The following POMGNT1 variants were observed in gnomAD, a reference collection of about 807,000 sequenced individuals.
The protein encoded by POMGNT1 is protein O-linked mannose N-acetylglucosaminyltransferase 1 (beta 1,2-), also known as protein O-linked-mannose beta-1,2-N-acetylglucosaminyltransferase 1.
In POMGNT1, 67 loss-of-function variants were observed where a neutral mutation model predicts 95.6. The ratio of observed to expected loss-of-function variants is 0.70; its 90% CI spans 0.58 to 0.86. The LOEUF is 0.86. POMGNT1 is among the 40% of genes least tolerant of loss of function. The pLI is 0.00. For missense variants in POMGNT1, 719 were observed against 855.2 expected, an observed-to-expected ratio of 0.84 and a Z score of 1.99; for synonymous variants, 298 against 317.9, an observed-to-expected ratio of 0.94 and a Z score of 0.66.
intron 9 of POMGNT1, 82 bp from the exon 10 acceptor site, chr1:46,194,007 G>C (rs1047116007): frequency 6.3e-7 from 1 of 1,587,638 alleles, no homozygotes; most frequent in South Asian, 1.1e-5. Flanking sequence ...TCTCAGGTGA[G>C]GGTAGGTGCA....
At chr1:46,192,876 C>A in intron 14 of POMGNT1, 24 bp downstream of exon 14, 1 of 1,614,094 alleles carries the variant, frequency 6.2e-7, no homozygotes, top group Non-Finnish European at 8.5e-7. Context: ...GGGACCTCAA[C>A]TGAAACCTAG....
upstream of POMGNT1, among the ~76,000 whole-genome samples, chr1:46,202,535 A>C (rs560727888): frequency 1.9e-4 from 29 of 151,950 alleles, no homozygotes; most frequent in East Asian, 5.6e-3. Flanking sequence ...TCTACTAAAA[A>C]TACAAAAATA....
chr1:46,212,303 C>T (rs1178562434), intron 1 of POMGNT1, among the ~76,000 whole-genome samples: 15 of 145,952 alleles, frequency 1.0e-4, no homozygotes, highest in Admixed American at 2.1e-4. Context: ...TTTTTTGAGA[C>T]GGAGTCTTGC....
rs34921411 is a variant in POMGNT1 at position 46,210,941 on chromosome 1, AT to A, written c.-51+8763del. Among the ~76,000 whole-genome samples, 763 of 134,434 alleles carry A rather than the reference AT, an allele frequency of 5.7e-3. 2 individuals carry two copies. Among genetic ancestry groups the A allele is most frequent in the Admixed American group, 8.8e-3 (117 of 13,310 alleles). The allele number at this position is 134,434 out of a possible 152,430, so 88.2% of individuals were successfully genotyped here. A position where few individuals can be genotyped will look rare whatever the true frequency, so the allele number is the denominator to read the frequency against. On this transcript the variant is annotated intron_variant, in intron 1 of 22. Transcript: ENST00000371992. ...AGGTGTGCAATACCACACTCACCTA[AT>A]TTTTTTTTTTTTTTTTTGGTAGAGA...
At chr1:46,200,240 AACTGACTCTTCATGG>A (rs1350049812), upstream of POMGNT1, among the ~76,000 whole-genome samples, 1 of 152,120 alleles carries the variant, frequency 6.6e-6, no homozygotes, top group African/African-American at 2.4e-5. Flanking sequence ...TTTCTCCTCA[AACTGACTCTTCATGG>A]ATGATCTCAT....
chr1:46,202,920 G>GGTGTGTGT (rs10689850), upstream of POMGNT1, among the ~76,000 whole-genome samples: 663 of 64,494 alleles, frequency 0.01, 12 homozygotes, highest in Non-Finnish European at 0.013. Context: ...GGGGGGGGGT[G>GGTGTGTGT]GTGTGTGTGT....
chr1:46,194,441 G>A (rs1446958586), intron 8 of POMGNT1, 40 bp from the exon 9 acceptor site: 13 of 1,613,936 alleles, frequency 8.1e-6, no homozygotes, highest in Non-Finnish European at 1.1e-5. Context: ...CATGGGGCCA[G>A]CAAGGTTTGA....
chr1:46,209,134 C>T (rs931984601), intron 1 of POMGNT1, among the ~76,000 whole-genome samples: 1 of 151,976 alleles, frequency 6.6e-6, no homozygotes, highest in African/African-American at 2.4e-5. Flanking sequence ...AAGCAATTCT[C>T]CTGCCTCAGC....
Position 46,193,923 on chromosome 1 carries a change from G to A in POMGNT1, c.882C>T (p.Leu294=), listed in dbSNP as rs374590423. Residue 294 remains leucine (L), a splice_region_variant and synonymous_variant, in exon 10 of 22, where the codon CTC becomes CTT. Coordinates refer to ENST00000371984, the MANE Select transcript of POMGNT1 (RefSeq NM_017739.4). ...GCACATTGAGGACCTTGTTGTCTGGGAGCTGTGGGAGAAATAGCGTTTAGC... is the reference window on the plus strand; with the variant it reads ...GCACATTGAGGACCTTGTTGTCTGGAAGCTGTGGGAGAAATAGCGTTTAGC... ...PTPIEFSPDP[L]PDNKVLNVPV... is the part of the protein sequence containing the mutation. The A allele has an allele frequency of 5.0e-6, 8 of 1,614,016 alleles. No individual in the cohort carries two copies. In the African/African-American group the frequency reaches 8.0e-5, roughly 16 times the overall value.
exon 1 of POMGNT1, chr1:46,219,771 C>A: frequency 6.2e-7 from 1 of 1,613,924 alleles, no homozygotes; most frequent in South Asian, 1.1e-5. Context: ...CGAGGCAGTG[C>A]GCTGGCTGTT....
intron 1 of POMGNT1, among the ~76,000 whole-genome samples, chr1:46,211,119 T>C (rs1302719335): frequency 6.6e-6 from 1 of 152,068 alleles, no homozygotes; most frequent in African/African-American, 2.4e-5. Flanking sequence ...TTGTCCACGA[T>C]TGAAACATGG....
intron 1 of POMGNT1, among the ~76,000 whole-genome samples, chr1:46,207,101 A>C (rs1260963286): frequency 6.7e-6 from 1 of 149,804 alleles, no homozygotes; most frequent in Non-Finnish European, 1.5e-5. Context: ...TTTTTTTGAC[A>C]CAGGGTTTCA....
intron 6 of POMGNT1, 86 bp downstream of exon 6, chr1:46,195,725 A>C: frequency 1.7e-6 from 2 of 1,169,140 alleles, no homozygotes; most frequent in Non-Finnish European, 2.5e-6. Flanking sequence ...TCTTCCCACT[A>C]TGTTATATGA....
intron 1 of POMGNT1, among the ~76,000 whole-genome samples, chr1:46,218,623 A>C (rs890178788): frequency 1.2e-4 from 18 of 152,194 alleles, no homozygotes; most frequent in African/African-American, 4.1e-4. Context: ...GAGCAGTGCA[A>C]TGCCTATAAA....
Position 46,192,884 on chromosome 1 carries a change from T to C in POMGNT1, c.1211+16A>G. On this transcript the variant is annotated intron_variant, in intron 14 of 21. Transcript: ENST00000371984. ...AGACTGAGGGACCTCAACTGAAACC[T>C]AGAGACTCCCCTCACCTGAAAAAAT... The C allele has an allele frequency of 6.2e-7, 1 of 1,614,064 alleles. No homozygotes were observed. The highest frequency in any genetic ancestry group is 8.5e-7 in the Non-Finnish European group (1 of 1,179,996).
intron 14 of POMGNT1, 58 bp from the exon 15 acceptor site, chr1:46,192,648 G>C: frequency 6.2e-7 from 1 of 1,607,814 alleles, no homozygotes; most frequent in South Asian, 1.1e-5. Flanking sequence ...TAGTCACACA[G>C]AGATGCTAGA....
chr1:46,198,770 C>T (rs986536435), upstream of POMGNT1, among the ~76,000 whole-genome samples: 1 of 152,168 alleles, frequency 6.6e-6, no homozygotes, highest in African/African-American at 2.4e-5. Flanking sequence ...ACAGGGCACA[C>T]ACCACCCGCC....
At chr1:46,195,748 C>A (rs544874080) in intron 6 of POMGNT1, 63 bp downstream of exon 6, 2 of 1,435,914 alleles carry the variant, frequency 1.4e-6, no homozygotes, top group Non-Finnish European at 1.9e-6. Flanking sequence ...GGCAGAGAAG[C>A]CGGGGCTAGA....
At position 46,219,960 on chromosome 1, in the gene POMGNT1, A is replaced by G. The variant is rs186978546; in HGVS notation, c.-306T>C. The G allele has an allele frequency of 4.9e-5, 79 of 1,614,264 alleles. 1 individual carries two copies. The African/African-American group carries it at 6.8e-4, about 14-fold the overall frequency. ...CAGCTTCCTGGACACAGTGGCCCCC[A>G]GCGAGCTGGATGAACAGGGCCCACC... is the stretch of plus-strand genomic sequence containing the variant. On this transcript the variant is annotated 5_prime_UTR_variant, in exon 1 of 23. Coordinates refer to the POMGNT1 transcript ENST00000371992.
Sources: gnomAD v4.1 joint callset for allele counts (sites outside exome capture counted in the v4.1 genomes callset) on GRCh38, gnomAD v4.1.1 for gene constraint, MANE v1.5 for transcripts, NCBI Gene and HGNC (gene_info 2026-07-23, HGNC 2026-07-21) for gene names.